ST3GAL6: variants seen among roughly 807,000 people sequenced by gnomAD.
ST3GAL6 encodes the protein type 2 lactosamine alpha-2,3-sialyltransferase.
Under a neutral mutation model 40.5 loss-of-function variants are expected in ST3GAL6, and 31 were observed. That is an observed-to-expected ratio of 0.77 (90% CI 0.58 to 1.03). ST3GAL6 has a LOEUF of 1.03. ST3GAL6 is among the 50% of genes least tolerant of loss of function. ST3GAL6 has a pLI of 0.00. For synonymous variants in ST3GAL6, 129 were observed against 136.9 expected, an observed-to-expected ratio of 0.94 and a Z score of 0.40; for missense variants, 357 against 393.2, an observed-to-expected ratio of 0.91 and a Z score of 0.78.
chr3:98,784,441 C>T (rs1383831551), intron 5 of ST3GAL6: 1 of 154,710 alleles, frequency 6.5e-6, no homozygotes, highest in Non-Finnish European at 1.4e-5. Context: ...TCCATCTCCA[C>T]ACTTGTGCAG....
intron 6 of ST3GAL6, among the ~76,000 whole-genome samples, chr3:98,786,087 A>G (rs967750316): frequency 6.6e-6 from 1 of 152,126 alleles, no homozygotes; most frequent in Non-Finnish European, 1.5e-5. Context: ...TGATATGAAC[A>G]TGTTAGATTT....
At chr3:98,786,282 T>C (rs949455724) in intron 6 of ST3GAL6, among the ~76,000 whole-genome samples, 1 of 151,414 alleles carries the variant, frequency 6.6e-6, no homozygotes, top group African/African-American at 2.4e-5. Context: ...AATTTAGAGG[T>C]TGAGCAAAGA....
intron 5 of ST3GAL6, chr3:98,782,323 TATGCAAG>T: frequency 2.8e-6 from 2 of 702,904 alleles, no homozygotes; most frequent in Non-Finnish European, 5.2e-6. Context: ...CTAATTGATG[TATGCAAG>T]ATGTAATTAC....
At chr3:98,764,836 A>G (rs1300854624) in intron 1 of ST3GAL6, among the ~76,000 whole-genome samples, 2 of 152,230 alleles carry the variant, frequency 1.3e-5, no homozygotes, top group African/African-American at 2.4e-5. Flanking sequence ...AAGCACTCAT[A>G]CATCTTAATG....
chr3:98,741,966 C>G (rs1052393285), intron 1 of ST3GAL6, among the ~76,000 whole-genome samples: 4 of 152,110 alleles, frequency 2.6e-5, no homozygotes, highest in African/African-American at 9.7e-5. Context: ...TTGAGACATC[C>G]AATGAGAAGA....
At chr3:98,738,941 C>T (rs909710354) in intron 1 of ST3GAL6, among the ~76,000 whole-genome samples, 8 of 152,156 alleles carry the variant, frequency 5.3e-5, no homozygotes, top group Admixed American at 4.6e-4. Context: ...AAACCAACCA[C>T]ACAAATGGAT....
intron 5 of ST3GAL6, among the ~76,000 whole-genome samples, chr3:98,775,422 G>A (rs1448037769): frequency 6.8e-6 from 1 of 147,716 alleles, no homozygotes; most frequent in Non-Finnish European, 1.5e-5. Flanking sequence ...GTTGCAGTGA[G>A]CCGAGATCCA....
chr3:98,761,671 G>A (rs1384835430), upstream of ST3GAL6, among the ~76,000 whole-genome samples: 2 of 151,880 alleles, frequency 1.3e-5, no homozygotes. Context: ...ATGCTTCTTG[G>A]AAGCTGATAT....
chr3:98,739,508 C>T (rs1032527912), intron 1 of ST3GAL6, among the ~76,000 whole-genome samples: 4 of 152,262 alleles, frequency 2.6e-5, no homozygotes, highest in African/African-American at 9.6e-5. Flanking sequence ...TAAGAGGTAT[C>T]AGCCTGTTGC....
chr3:98,763,317 C>T (rs1937982562), upstream of ST3GAL6: 10 of 1,288,538 alleles, frequency 7.8e-6, no homozygotes, highest in South Asian at 1.1e-4. Context: ...TGGCCATGTT[C>T]CACACAGTCT....
At chr3:98,765,357 G>C (rs1046555377) in intron 1 of ST3GAL6, among the ~76,000 whole-genome samples, 1 of 152,134 alleles carries the variant, frequency 6.6e-6, no homozygotes, top group African/African-American at 2.4e-5. Context: ...TCCTTAAACT[G>C]TGTGACCTCA....
chr3:98,794,412 A>G lies in ST3GAL6; in HGVS notation c.*651A>G, dbSNP rs1941445438. On this transcript the variant is annotated 3_prime_UTR_variant, in exon 10 of 10. Coordinates refer to ENST00000483910, the MANE Select transcript of ST3GAL6 (RefSeq NM_001323368.2). The stretch of plus-strand genomic sequence containing the variant: ...TACTAAACTCTGATGGCTTTGTATT[A>G]TTTTAAAGAAATGAAGTTTAACTTT... 1 of 141,142 alleles carries G rather than the reference A, an allele frequency of 7.1e-6. No homozygotes were observed. The highest frequency in any genetic ancestry group is 2.2e-4 in the South Asian group (1 of 4,448). 8.7% of individuals were successfully genotyped at this position (141,142 alleles called of 1,614,324 possible).
intron 1 of ST3GAL6, among the ~76,000 whole-genome samples, chr3:98,750,242 C>G (rs945143187): frequency 4.6e-5 from 7 of 152,166 alleles, no homozygotes; most frequent in African/African-American, 1.7e-4. Flanking sequence ...CACCATTCTT[C>G]TATGGAAGTG....
At chr3:98,787,755 T>C (rs1010994060) in intron 6 of ST3GAL6, among the ~76,000 whole-genome samples, 4 of 152,246 alleles carry the variant, frequency 2.6e-5, no homozygotes, top group African/African-American at 7.2e-5. Flanking sequence ...CTTTTTTAAA[T>C]TTAGTCTTCA....
Position 98,768,543 on chromosome 3 carries a change from T to C in ST3GAL6, c.89+14T>C, listed in dbSNP as rs771723810. 2 of 1,581,156 alleles carry C rather than the reference T, an allele frequency of 1.3e-6. No individual in the cohort carries two copies. Among genetic ancestry groups the C allele is most frequent in the Middle Eastern group, 1.7e-4 (1 of 6,000 alleles). ...GAATGTCTATTGGTAAGTTTCATTT[T>C]GTTATTTAAAAATAACTCTCAACCT... On this transcript the variant is annotated intron_variant, in intron 2 of 9. Coordinates refer to ENST00000483910, the MANE Select transcript of ST3GAL6 (RefSeq NM_001323368.2).
intron 1 of ST3GAL6, among the ~76,000 whole-genome samples, chr3:98,766,341 C>T (rs188578735): frequency 1.3e-3 from 195 of 145,764 alleles, no homozygotes; most frequent in Non-Finnish European, 2.2e-3. Context: ...GATGTAAATA[C>T]ATTAAAAAAT....
chr3:98,733,417 GCTC>G, intron 1 of ST3GAL6: 1 of 1,010,936 alleles, frequency 9.9e-7, no homozygotes, highest in Non-Finnish European at 1.2e-6. Context: ...GGAGTGTCCA[GCTC>G]CTCGTTCACT....
chr3:98,773,883 T>C (rs771040674), intron 4 of ST3GAL6, 37 bp from the exon 5 acceptor site: 5 of 1,566,686 alleles, frequency 3.2e-6, no homozygotes. Flanking sequence ...AAAGACATGA[T>C]TATCCTTTTA....
At chr3:98,743,108 A>G (rs1296520815) in intron 1 of ST3GAL6, among the ~76,000 whole-genome samples, 1 of 150,348 alleles carries the variant, frequency 6.7e-6, no homozygotes, top group Non-Finnish European at 1.5e-5. Context: ...TCCCAGCTCA[A>G]GCGATCCTCC....
Sources: allele counts gnomAD v4.1 joint callset (sites outside exome capture counted in the v4.1 genomes callset), GRCh38; gene constraint gnomAD v4.1.1; transcripts MANE v1.5; gene names NCBI Gene and HGNC (gene_info 2026-07-23, HGNC 2026-07-21).